DCDC1: variants seen among roughly 807,000 people sequenced by gnomAD.
The protein encoded by DCDC1 is doublecortin domain-containing protein 1.
In DCDC1, 200 loss-of-function variants were observed where a neutral mutation model predicts 178.3. That is an observed-to-expected ratio of 1.12 (90% CI 1.00 to 1.26). The LOEUF (loss-of-function observed/expected upper bound fraction) is 1.26, where lower values mean the gene tolerates loss of function less well. Ranked by LOEUF, DCDC1 falls within the 50% of genes most tolerant of loss-of-function variation. DCDC1 has a pLI of 0.00. For synonymous variants in DCDC1, 690 were observed against 604.8 expected (o/e 1.14, Z -2.07); for missense variants, 1,983 against 1,749.2 (o/e 1.13, Z -2.38).
intron 9 of DCDC1, among the ~76,000 whole-genome samples, chr11:31,159,006 C>A (rs142169195): frequency 2.9e-4 from 43 of 149,864 alleles, no homozygotes; most frequent in Non-Finnish European, 5.0e-4. Context: ...GGATGTATAC[C>A]AAAAAAAATA....
intron 20 of DCDC1, among the ~76,000 whole-genome samples, chr11:31,006,454 A>G (rs1358640430): frequency 6.6e-6 from 1 of 152,158 alleles, no homozygotes; most frequent in Non-Finnish European, 1.5e-5. Flanking sequence ...CTCACCAAGT[A>G]TCAGCTCATG....
intron 38 of DCDC1, among the ~76,000 whole-genome samples, chr11:30,872,724 T>C (rs1941700212): frequency 6.6e-6 from 1 of 152,060 alleles, no homozygotes; most frequent in African/African-American, 2.4e-5. Flanking sequence ...ACTCACTTCC[T>C]TATATAAGGC....
chr11:31,281,428 A>G (rs1254630211), intron 7 of DCDC1, among the ~76,000 whole-genome samples: 12 of 152,084 alleles, frequency 7.9e-5, no homozygotes. Flanking sequence ...CTTCTATTTC[A>G]AGTTTGCTAT....
Position 30,905,165 on chromosome 11 carries a change from CT to C in DCDC1, c.4105-2del, listed in dbSNP as rs1565054201. 1.3e-6 allele frequency: 2 copies of C among 1,570,676 alleles called. No individual in the cohort carries two copies. Among genetic ancestry groups the C allele is most frequent in the Non-Finnish European group, 1.7e-6 (2 of 1,156,272 alleles). ...CAGCCTTGTCACACGACAAATCAACCTAATTTTTTAAAAAATAAATTGTACA... is the reference window on the plus strand; with the variant it reads ...CAGCCTTGTCACACGACAAATCAACCAATTTTTTAAAAAATAAATTGTACA... On this transcript the variant is annotated splice_acceptor_variant, in intron 30 of 38. Transcript: ENST00000684477. LOFTEE classifies it high-confidence loss of function.
intron 20 of DCDC1, among the ~76,000 whole-genome samples, chr11:30,975,303 C>A (rs941905042): frequency 5.9e-5 from 9 of 151,962 alleles, no homozygotes; most frequent in Non-Finnish European, 1.2e-4. Context: ...CCTCTAAGAA[C>A]TGGAGCAAGA....
intron 9 of DCDC1, among the ~76,000 whole-genome samples, chr11:31,153,762 G>A (rs1378942173): frequency 1.5e-5 from 2 of 134,276 alleles, no homozygotes; most frequent in South Asian, 2.4e-4. Context: ...CAGCCTGGGC[G>A]ATAGAGCCAG....
chr11:31,098,064 G>A (rs984024042), intron 15 of DCDC1, among the ~76,000 whole-genome samples: 1 of 152,130 alleles, frequency 6.6e-6, no homozygotes, highest in African/African-American at 2.4e-5. Context: ...GCTGATGTCT[G>A]TGAAGCCATG....
intron 9 of DCDC1, among the ~76,000 whole-genome samples, chr11:31,213,148 T>G (rs1414389521): frequency 7.9e-6 from 1 of 126,076 alleles, no homozygotes; most frequent in Non-Finnish European, 1.7e-5. Flanking sequence ...TCTCTCTCTC[T>G]CTCTCTCTCT....
At chr11:30,889,014 A>G (rs1260236629) in intron 36 of DCDC1, among the ~76,000 whole-genome samples, 2 of 152,100 alleles carry the variant, frequency 1.3e-5, no homozygotes, top group East Asian at 3.9e-4. Flanking sequence ...AATCAGAAGG[A>G]CCTCTTTTTC....
At chr11:31,033,330 ACT>A (rs1953795789) in intron 20 of DCDC1, among the ~76,000 whole-genome samples, 2 of 152,000 alleles carry the variant, frequency 1.3e-5, no homozygotes, top group Non-Finnish European at 2.9e-5. Context: ...TTATTTATAT[ACT>A]CTGTTTTACA....
chr11:31,321,593 A>G (rs1437381217), intron 3 of DCDC1, among the ~76,000 whole-genome samples: 1 of 152,066 alleles, frequency 6.6e-6, no homozygotes, highest in African/African-American at 2.4e-5. Flanking sequence ...CCTCAGATGG[A>G]AATGCAGAAA....
intron 36 of DCDC1, among the ~76,000 whole-genome samples, chr11:30,891,328 T>C (rs1445342067): frequency 6.6e-6 from 1 of 152,036 alleles, no homozygotes; most frequent in Non-Finnish European, 1.5e-5. Flanking sequence ...GGAATAAGAG[T>C]CATGAAATGC....
At chr11:31,184,234 T>C (rs1969198468) in intron 9 of DCDC1, among the ~76,000 whole-genome samples, 1 of 152,194 alleles carries the variant, frequency 6.6e-6, no homozygotes, top group Admixed American at 6.5e-5. Context: ...TGGCTAGCCA[T>C]ATGCAGAAAA....
chr11:31,034,361 T>C (rs1425319937), intron 20 of DCDC1, among the ~76,000 whole-genome samples: 1 of 152,122 alleles, frequency 6.6e-6, no homozygotes, highest in Non-Finnish European at 1.5e-5. Flanking sequence ...TTTTATGAAT[T>C]TACTGTAGCC....
intron 9 of DCDC1, among the ~76,000 whole-genome samples, chr11:31,160,739 T>C (rs1591267910): frequency 6.6e-6 from 1 of 152,176 alleles, no homozygotes; most frequent in Admixed American, 6.5e-5. Context: ...ATGAAGGGCA[T>C]TTCTTTAAAA....
At chr11:31,018,029 G>C (rs896734100) in intron 20 of DCDC1, among the ~76,000 whole-genome samples, 1 of 151,960 alleles carries the variant, frequency 6.6e-6, no homozygotes, top group Non-Finnish European at 1.5e-5. Context: ...TGGATATTTT[G>C]TAACTTAGTT....
chr11:31,366,986 G>A (rs1387756096), intron 1 of DCDC1, among the ~76,000 whole-genome samples: 1 of 152,198 alleles, frequency 6.6e-6, no homozygotes, highest in Non-Finnish European at 1.5e-5. Context: ...TCTTGAGGAA[G>A]GAACTGAGAT....
chr11:31,216,391 T>C (rs1356677372), intron 9 of DCDC1, among the ~76,000 whole-genome samples: 2 of 152,102 alleles, frequency 1.3e-5, no homozygotes, highest in African/African-American at 4.8e-5. Context: ...CCTTTCAGAA[T>C]CCATGAAGGT....
At chr11:30,952,684 A>G in intron 20 of DCDC1, 116 bp from the exon 21 acceptor site, 1 of 423,474 alleles carries the variant, frequency 2.4e-6, no homozygotes, top group East Asian at 3.5e-5. Context: ...AGTTTGAATT[A>G]AAAACCCAAA....
Sources: gnomAD v4.1 joint callset for allele counts (sites outside exome capture counted in the v4.1 genomes callset) on GRCh38, gnomAD v4.1.1 for gene constraint, MANE v1.5 for transcripts, NCBI Gene and HGNC (gene_info 2026-07-23, HGNC 2026-07-21) for gene names.